Variants in SCART1 observed in about 807,000 individuals in gnomAD.
SCART1 encodes the protein scavenger receptor cysteine-rich domain-containing protein SCART1.
In SCART1, 62 loss-of-function variants were observed where a neutral mutation model predicts 36.2. The observed-to-expected ratio is 1.71, with a 90% CI of 1.40 to 2.12. The LOEUF is 2.12. Among genes scored for constraint, SCART1 ranks in the 30% most tolerant of loss-of-function variants. The pLI is 0.00. For synonymous variants in SCART1, 487 were observed against 238.7 expected, an observed-to-expected ratio of 2.04 and a Z score of -9.59; for missense variants, 1,041 against 540.5, an observed-to-expected ratio of 1.93 and a Z score of -9.18.
intron 3 of SCART1, 183 bp from the exon 4 acceptor site, chr10:133,458,177 C>T: frequency 2.9e-6 from 2 of 699,532 alleles, no homozygotes; most frequent in Admixed American, 4.0e-5. Flanking sequence ...CCAAGGACGT[C>T]TGCTCTGCTC....
intron 2 of SCART1, among the ~76,000 whole-genome samples, 171 bp downstream of exon 2, chr10:133,456,725 G>A (rs922031534): frequency 5.3e-5 from 8 of 152,220 alleles, no homozygotes; most frequent in Admixed American, 2.0e-4. Context: ...TCTGGGCACC[G>A]GGGCCATCCT....
At chr10:133,459,369 G>GC (rs1564834244) in intron 5 of SCART1, 43 bp downstream of exon 5, 1 of 621,166 alleles carries the variant, frequency 1.6e-6, no homozygotes, top group Non-Finnish European at 2.9e-6. Flanking sequence ...TGAGTGAGAG[G>GC]CATGGACAGA....
At chr10:133,468,607 A>G (rs1367601498) in exon 12 of SCART1, 1 of 152,160 alleles carries the variant, frequency 6.6e-6, no homozygotes, top group Non-Finnish European at 1.5e-5. Context: ...ATAATATTTG[A>G]TGTTCAGTTT....
chr10:133,459,516 G>A (rs1032249439), exon 6 of SCART1: 1 of 674,478 alleles, frequency 1.5e-6, no homozygotes, highest in Non-Finnish European at 2.7e-6. Context: ...ACTGAGGGAA[G>A]GACAGAGCCG....
At chr10:133,457,660 C>T (rs1175354677) in intron 3 of SCART1, 85 bp downstream of exon 3, 8 of 593,318 alleles carry the variant, frequency 1.3e-5, no homozygotes, top group Middle Eastern at 3.2e-4. Flanking sequence ...GGGGGGTGGG[C>T]GTTCCCACGG....
exon 12 of SCART1, chr10:133,467,970 G>A: frequency 1.4e-6 from 1 of 689,756 alleles, no homozygotes; most frequent in Non-Finnish European, 2.7e-6. Context: ...ACGTTGTAAA[G>A]CAACCTGAGG....
At chr10:133,456,208 C>T (rs1263321712) in intron 1 of SCART1, 29 bp from the exon 2 acceptor site, 1 of 692,018 alleles carries the variant, frequency 1.4e-6, no homozygotes, top group Non-Finnish European at 2.6e-6. Context: ...TTGGTTCTGG[C>T]CCCTCTAACT....
chr10:133,469,054 T>A (rs1850791237), exon 12 of SCART1: 1 of 152,192 alleles, frequency 6.6e-6, no homozygotes, highest in African/African-American at 2.4e-5. Context: ...GTTTCCTGAC[T>A]TTTTAATAAT....
At chr10:133,458,470 G>T (rs1437004828) in exon 4 of SCART1, 1 of 694,334 alleles carries the variant, frequency 1.4e-6, no homozygotes, top group Non-Finnish European at 2.6e-6. Flanking sequence ...GGCCCACGTG[G>T]TGTGCCGGGA....
intron 6 of SCART1, chr10:133,464,314 GC>G: frequency 2.6e-6 from 1 of 382,302 alleles, no homozygotes; most frequent in Non-Finnish European, 4.7e-6. Context: ...ACCTGGGCGT[GC>G]AGTGAACCTG....
At chr10:133,460,441 C>G (rs1248690948) in intron 6 of SCART1, among the ~76,000 whole-genome samples, 1 of 145,210 alleles carries the variant, frequency 6.9e-6, no homozygotes, top group Non-Finnish European at 1.5e-5. Flanking sequence ...GTAACCAGCT[C>G]AAGTGCGCTT....
intron 9 of SCART1, 73 bp downstream of exon 9, chr10:133,465,638 C>T (rs1850757136): frequency 3.4e-6 from 2 of 595,158 alleles, no homozygotes; most frequent in Admixed American, 6.1e-5. Context: ...TCTTGAGTGT[C>T]ACTTCGGTGG....
chr10:133,457,301 G>A (rs1477318433), exon 3 of SCART1: 1 of 700,906 alleles, frequency 1.4e-6, no homozygotes, highest in South Asian at 1.5e-5. Context: ...GGGAGCTCCG[G>A]CTGGTGAAGG....
At chr10:133,460,525 A>T (rs796247993) in intron 6 of SCART1, among the ~76,000 whole-genome samples, 34 of 134,332 alleles carry the variant, frequency 2.5e-4, no homozygotes, top group African/African-American at 9.3e-4. Flanking sequence ...ATTTATTTAA[A>T]TATTTATTTA....
At position 133,460,186 on chromosome 10, in the gene SCART1, G is replaced by A. The variant is rs573209919; in HGVS notation, c.1969+16G>A. ...TTCTGCTCAGGTGAGCGGCCGTTGGGTATGGAATGATCATGCTGTTTTATT... is the reference window on the plus strand; with the variant it reads ...TTCTGCTCAGGTGAGCGGCCGTTGGATATGGAATGATCATGCTGTTTTATT... On this transcript the variant is annotated intron_variant, in intron 6 of 11. Transcript: ENST00000640237. 1.5e-5 allele frequency: 7 copies of A among 471,946 alleles called. No individual in the cohort carries two copies. The highest frequency in any genetic ancestry group is 1.9e-5 in the Non-Finnish European group (5 of 268,794). The allele number at this position is 471,946 out of a possible 1,614,324, so 29.2% of individuals were successfully genotyped here. A position where few individuals can be genotyped will look rare whatever the true frequency, so the allele number is the denominator to read the frequency against.
At chr10:133,454,116 T>C in intron 1 of SCART1, 52 bp downstream of exon 1, 1 of 702,204 alleles carries the variant, frequency 1.4e-6, no homozygotes, top group Non-Finnish European at 2.6e-6. Context: ...ATCAGCTCTG[T>C]TGATGCCCAG....
At chr10:133,460,027 C>T in exon 6 of SCART1, 1 of 523,130 alleles carries the variant, frequency 1.9e-6, no homozygotes. Context: ...CTGGGGGCCG[C>T]ACACTTCGGA....
intron 1 of SCART1, among the ~76,000 whole-genome samples, chr10:133,455,858 G>A (rs547761300): frequency 8.5e-5 from 13 of 152,068 alleles, no homozygotes; most frequent in Non-Finnish European, 1.8e-4. Context: ...GGGTGGGGCA[G>A]GTGTGACAGT....
At chr10:133,467,996 T>G (rs1277994319) in exon 12 of SCART1, 16 of 657,770 alleles carry the variant, frequency 2.4e-5, no homozygotes, top group Non-Finnish European at 3.9e-5. Context: ...ATACACCAGC[T>G]GGCTGTCGAA....
Sources: gnomAD v4.1 joint callset for allele counts (sites outside exome capture counted in the v4.1 genomes callset) on GRCh38, gnomAD v4.1.1 for gene constraint, MANE v1.5 for transcripts, NCBI Gene and HGNC (gene_info 2026-07-23, HGNC 2026-07-21) for gene names.